NME7: variants seen among roughly 807,000 people sequenced by gnomAD.
NME7 encodes nucleoside diphosphate kinase 7.
NME7 carries 41 observed loss-of-function variants against 49.1 expected under a neutral mutation model. The observed-to-expected ratio is 0.83, with a 90% CI of 0.65 to 1.08. NME7 has a LOEUF of 1.08. NME7 is among the 50% of genes least tolerant of loss of function. The probability of loss-of-function intolerance (pLI) is 0.00; values close to 1 mark genes in which losing one functional copy is unlikely to be tolerated. For synonymous variants in NME7, 139 were observed against 150.6 expected, an observed-to-expected ratio of 0.92 and a Z score of 0.56; for missense variants, 423 against 463.4, an observed-to-expected ratio of 0.91 and a Z score of 0.80.
chr1:169,185,923 CCT>C, intron 10 of NME7, among the ~76,000 whole-genome samples: 1 of 152,190 alleles, frequency 6.6e-6, no homozygotes, highest in Middle Eastern at 3.4e-3. Flanking sequence ...GCATTCAGTA[CCT>C]CTGACACAAG....
chr1:169,244,385 C>A (rs1648220734), intron 7 of NME7, among the ~76,000 whole-genome samples: 1 of 152,112 alleles, frequency 6.6e-6, no homozygotes, highest in South Asian at 2.1e-4. Context: ...GTAATCCCAG[C>A]ACTTTGGGAG....
rs1557831853 is a variant in NME7, at chr1:169,342,943, ACTT to A, written c.4-18446_4-18444del. 7.4e-3 allele frequency among the ~76,000 whole-genome samples: 360 copies of A among 48,894 alleles called. 18 individuals are homozygous for A. The highest frequency in any genetic ancestry group is 0.021 in the Middle Eastern group (2 of 96). 32.1% of individuals were successfully genotyped at this position (48,894 alleles called of 152,430 possible). A position where few individuals can be genotyped will look rare whatever the true frequency, so the allele number is the denominator to read the frequency against. On this transcript the variant is annotated intron_variant, in intron 1 of 11. Coordinates refer to ENST00000367811, the MANE Select transcript of NME7 (RefSeq NM_013330.5). ...TATATATATACAAGTACATATATAT[ACTT>A]GTATTAGTATATATATATATATATA...
chr1:169,162,410 A>C (rs1022618644), intron 11 of NME7, among the ~76,000 whole-genome samples: 1 of 152,024 alleles, frequency 6.6e-6, no homozygotes, highest in Non-Finnish European at 1.5e-5. Flanking sequence ...AAAAAAAAAC[A>C]GGAAAGACCT....
intron 10 of NME7, among the ~76,000 whole-genome samples, chr1:169,200,117 G>T (rs1383389664): frequency 6.6e-6 from 1 of 151,722 alleles, no homozygotes; most frequent in African/African-American, 2.4e-5. Flanking sequence ...TTCTTCAAGG[G>T]GCTTATGGTC....
At position 169,323,194 on chromosome 1, in the gene NME7, A is replaced by G. The variant is rs570794814; in HGVS notation, c.201T>C (p.Asn67=). ...TTAATACCAGTTGTCGAGAAAAGAC[A>G]TTCACTTTGTTGCCTATAAATAAAT... ...LEDLFIGNKV[N]VFSRQLVLID... The change falls in exon 3 of 12, where the codon AAT becomes AAC. Residue 67 remains asparagine, a synonymous_variant. Coordinates refer to ENST00000367811, the MANE Select transcript of NME7 (RefSeq NM_013330.5). 1 of 1,608,346 alleles carries G rather than the reference A, an allele frequency of 6.2e-7. No homozygotes were observed. Among genetic ancestry groups the G allele is most frequent in the East Asian group, 2.2e-5 (1 of 44,502 alleles).
chr1:169,214,726 T>C (rs1463308753), intron 10 of NME7, among the ~76,000 whole-genome samples: 1 of 152,198 alleles, frequency 6.6e-6, no homozygotes, highest in Non-Finnish European at 1.5e-5. Flanking sequence ...GCTCAATGCC[T>C]TGTGGGAGGG....
intron 11 of NME7, among the ~76,000 whole-genome samples, chr1:169,153,027 C>T (rs547202941): frequency 6.6e-6 from 1 of 151,938 alleles, no homozygotes; most frequent in Admixed American, 6.6e-5. Flanking sequence ...TGAATTGAAA[C>T]ACTTTTGTCA....
intron 7 of NME7, among the ~76,000 whole-genome samples, chr1:169,281,860 T>C (rs1159718046): frequency 6.6e-6 from 1 of 152,206 alleles, no homozygotes; most frequent in Non-Finnish European, 1.5e-5. Context: ...CAGTATTTTA[T>C]TGTGGATTTT....
chr1:169,181,587 C>T (rs977138317), intron 10 of NME7, among the ~76,000 whole-genome samples: 2 of 152,098 alleles, frequency 1.3e-5, no homozygotes, highest in African/African-American at 4.8e-5. Flanking sequence ...TTTTATGCAT[C>T]CTATCAAAAT....
chr1:169,184,670 T>C (rs1286960225), intron 10 of NME7, among the ~76,000 whole-genome samples: 1 of 152,210 alleles, frequency 6.6e-6, no homozygotes, highest in Non-Finnish European at 1.5e-5. Context: ...TAAATATTTA[T>C]TGATACCTAT....
chr1:169,199,007 C>T (rs1216968118), intron 10 of NME7, among the ~76,000 whole-genome samples: 1 of 152,020 alleles, frequency 6.6e-6, no homozygotes, highest in Non-Finnish European at 1.5e-5. Flanking sequence ...CTTACATTGA[C>T]TTGTATTTCG....
intron 3 of NME7, among the ~76,000 whole-genome samples, chr1:169,318,342 GACTA>G (rs1558036825): frequency 6.6e-6 from 1 of 152,186 alleles, no homozygotes; most frequent in East Asian, 1.9e-4. Context: ...GAAGAATGGA[GACTA>G]ACTGAGCTCA....
rs113397314 is a variant in NME7, at chr1:169,281,419, C to A, written c.754+5884G>T. On this transcript the variant is annotated intron_variant, in intron 7 of 11. Transcript: ENST00000367811. ...GTAAACAGAGACAATTTGACTTCTT[C>A]TCTTCCTATCTGAATACCCTTTATT... is the stretch of plus-strand genomic sequence containing the variant. Among the ~76,000 whole-genome samples the A allele has an allele frequency of 5.8e-3, 877 of 152,332 alleles. 8 individuals carry two copies. The highest frequency in any genetic ancestry group is 0.02 in the African/African-American group (840 of 41,574).
At chr1:169,182,174 T>TAAAAAAAAAAA (rs59280361) in intron 10 of NME7, among the ~76,000 whole-genome samples, 1 of 134,098 alleles carries the variant, frequency 7.5e-6, no homozygotes. Context: ...CTAGCTAATT[T>TAAAAAAAAAAA]AAAAAAAAAA....
chr1:169,218,549 T>C (rs1380439693), intron 10 of NME7, among the ~76,000 whole-genome samples: 2 of 151,088 alleles, frequency 1.3e-5, no homozygotes, highest in Admixed American at 6.6e-5. Flanking sequence ...GCCTGGGTGA[T>C]AGACCAAAAC....
chr1:169,155,927 A>G (rs922377166), intron 11 of NME7, among the ~76,000 whole-genome samples: 3 of 151,958 alleles, frequency 2.0e-5, no homozygotes, highest in Admixed American at 6.5e-5. Context: ...CAATAGCATC[A>G]GCACTAACTG....
At position 169,258,405 on chromosome 1, in the gene NME7, T is replaced by TAC. The variant is rs1366142784; in HGVS notation, c.755-20720_755-20719dup. On this transcript the variant is annotated intron_variant, in intron 7 of 11. Transcript: ENST00000367811. ...ATATATATATATATATATATATATA[T>TAC]ACACACACACACACACACATACACA... Among the ~76,000 whole-genome samples the TAC allele has an allele frequency of 9.3e-4, 64 of 68,774 alleles. 6 individuals are homozygous for TAC. Among genetic ancestry groups the TAC allele is most frequent in the Middle Eastern group, 6.4e-3 (1 of 156 alleles). The allele number at this position is 68,774 out of a possible 152,430, so 45.1% of individuals were successfully genotyped here.
chr1:169,259,261 T>TCAGG lies in NME7; in HGVS notation c.755-21575_755-21574insCCTG, dbSNP rs769854969. Among the ~76,000 whole-genome samples the TCAGG allele has an allele frequency of 2.4e-3, 325 of 133,032 alleles. 78 individuals are homozygous for TCAGG. The highest frequency in any genetic ancestry group is 3.9e-3 in the Non-Finnish European group (221 of 56,528). The allele number at this position is 133,032 out of a possible 152,430, so 87.3% of individuals were successfully genotyped here. A position where few individuals can be genotyped will look rare whatever the true frequency, so the allele number is the denominator to read the frequency against. On this transcript the variant is annotated intron_variant, in intron 7 of 11. Transcript: ENST00000367811. The stretch of plus-strand genomic sequence containing the variant: ...CTCCCAATCATGACCCTTTCTTCTC[T>TCAGG]TAGGGGAGACACCTACCTGACTTTG...
chr1:169,350,688 A>G (rs1557835225), intron 1 of NME7, among the ~76,000 whole-genome samples: 1 of 152,134 alleles, frequency 6.6e-6, no homozygotes, highest in Non-Finnish European at 1.5e-5. Flanking sequence ...AAAAAGAAAA[A>G]TAAGGCAAAC....
Sources: gnomAD v4.1 joint callset for allele counts (sites outside exome capture counted in the v4.1 genomes callset) on GRCh38, gnomAD v4.1.1 for gene constraint, MANE v1.5 for transcripts, NCBI Gene and HGNC (gene_info 2026-07-23, HGNC 2026-07-21) for gene names.